The following ASIC2 variants were observed in gnomAD, a reference collection of about 807,000 sequenced individuals.
The protein encoded by ASIC2 is acid sensing ion channel subunit 2.
ASIC2 carries 25 observed loss-of-function variants against 57.3 expected under a neutral mutation model. The observed-to-expected ratio is 0.44, with a 90% CI of 0.32 to 0.61. The LOEUF is 0.61. ASIC2 is among the 20% of genes least tolerant of loss of function. ASIC2 has a pLI of 0.06. For missense variants in ASIC2, 641 were observed against 738.1 expected (o/e 0.87, Z 1.52); for synonymous variants, 319 against 307.5 (o/e 1.04, Z -0.39).
Position 33,151,197 on chromosome 17 carries a change from ACACGCG to A in ASIC2, c.709-39136_709-39131del, listed in dbSNP as rs1456284979. ...CACACACACGCACACACACACACACACACGCGCGCACACACACACACACACAATTAG... is the reference window on the plus strand; with the variant it reads ...CACACACACGCACACACACACACACACGCACACACACACACACACAATTAG... On this transcript the variant is annotated intron_variant, in intron 1 of 9. Coordinates refer to ENST00000225823, the MANE Select transcript of ASIC2 (RefSeq NM_183377.2). 5.5e-3 allele frequency among the ~76,000 whole-genome samples: 747 copies of A among 136,182 alleles called. 6 individuals carry two copies. The highest frequency in any genetic ancestry group is 0.019 in the African/African-American group (713 of 36,892). The allele number at this position is 136,182 out of a possible 152,430, so 89.3% of individuals were successfully genotyped here.
chr17:34,014,113 T>C (rs1161270687), intron 1 of ASIC2, among the ~76,000 whole-genome samples: 2 of 152,184 alleles, frequency 1.3e-5, no homozygotes, highest in Non-Finnish European at 2.9e-5. Flanking sequence ...GGGGGAGTAA[T>C]AAAGGAAATT....
chr17:34,059,234 C>A (rs1406757387), intron 1 of ASIC2, among the ~76,000 whole-genome samples: 3 of 152,332 alleles, frequency 2.0e-5, no homozygotes, highest in African/African-American at 4.8e-5. Context: ...CACACACCCC[C>A]ACTGGAGAGG....
In ASIC2 at chr17:33,994,371, G is replaced by A. The variant is rs1484154694; in HGVS notation, c.555+161607C>T. On this transcript the variant is annotated intron_variant, in intron 1 of 9. Coordinates refer to the ASIC2 transcript ENST00000359872. ...TGATGCATGGTGCCATGAGGAACAC[G>A]GCACGGTGTCACTTGGACATGACCA... 4.6e-5 allele frequency among the ~76,000 whole-genome samples: 7 copies of A among 152,244 alleles called. No homozygotes were observed. In the South Asian group the frequency reaches 1.2e-3, roughly 27 times the overall value.
At chr17:34,071,076 G>A (rs1909381232) in intron 1 of ASIC2, 1 of 146,320 alleles carries the variant, frequency 6.8e-6, no homozygotes, top group African/African-American at 2.6e-5. Flanking sequence ...AAGTCAGTAG[G>A]TCCCCTTTTG....
At chr17:33,623,225 C>T (rs1344863493) in intron 1 of ASIC2, among the ~76,000 whole-genome samples, 7 of 112,262 alleles carry the variant, frequency 6.2e-5, no homozygotes, top group Admixed American at 1.7e-4. Context: ...CAGGATACCT[C>T]TTGTGATATC....
At chr17:33,390,029 C>T (rs1190049453) in intron 1 of ASIC2, among the ~76,000 whole-genome samples, 1 of 151,978 alleles carries the variant, frequency 6.6e-6, no homozygotes, top group Non-Finnish European at 1.5e-5. Context: ...ATGTCTCTTT[C>T]TGGCTGGGCG....
rs764562766 is a variant in ASIC2 at position 33,023,850 on chromosome 17, A to C, written c.1349+11T>G. 2 of 1,614,040 alleles carry C rather than the reference A, an allele frequency of 1.2e-6. No individual in the cohort carries two copies. The highest frequency in any genetic ancestry group is 1.7e-6 in the Non-Finnish European group (2 of 1,179,978). ...CCCCTTCCCCCTGCCTACCATGCCC[A>C]CTAAACTTACGAGATATATTTTTCT... On this transcript the variant is annotated intron_variant, in intron 6 of 9. Coordinates refer to ENST00000225823, the MANE Select transcript of ASIC2 (RefSeq NM_183377.2).
At chr17:33,263,407 C>T (rs1015067046) in intron 1 of ASIC2, among the ~76,000 whole-genome samples, 2 of 152,174 alleles carry the variant, frequency 1.3e-5, no homozygotes, top group African/African-American at 4.8e-5. Context: ...AAGCTTTTCT[C>T]CCTAGAAAAT....
intron 1 of ASIC2, among the ~76,000 whole-genome samples, chr17:33,511,146 T>C: frequency 7.6e-6 from 1 of 131,582 alleles, no homozygotes; most frequent in African/African-American, 2.8e-5. Context: ...TCCAGCTGTA[T>C]GGCTGTAAGA....
At chr17:33,327,300 A>G (rs1386362398) in intron 1 of ASIC2, among the ~76,000 whole-genome samples, 4 of 152,116 alleles carry the variant, frequency 2.6e-5, no homozygotes, top group Non-Finnish European at 5.9e-5. Flanking sequence ...GTCTTCCTCC[A>G]TTGATTCTCA....
At chr17:33,566,224 T>G (rs1248948512) in intron 1 of ASIC2, among the ~76,000 whole-genome samples, 1 of 152,164 alleles carries the variant, frequency 6.6e-6, no homozygotes, top group Non-Finnish European at 1.5e-5. Context: ...TTGGAATACT[T>G]GAGATAATTG....
intron 1 of ASIC2, among the ~76,000 whole-genome samples, chr17:33,978,457 G>A (rs1005217495): frequency 1.6e-4 from 25 of 152,254 alleles, no homozygotes; most frequent in Middle Eastern, 3.4e-3. Flanking sequence ...CTGGACTTTA[G>A]TTTCTGCAAC....
chr17:33,063,079 G>A (rs1212390885), intron 3 of ASIC2, among the ~76,000 whole-genome samples: 1 of 152,146 alleles, frequency 6.6e-6, no homozygotes, highest in African/African-American at 2.4e-5. Context: ...TGGGTTTCCT[G>A]AATACAGCAC....
At position 33,289,546 on chromosome 17, in the gene ASIC2, A is replaced by G. The variant is rs776254279; in HGVS notation, c.708+1862T>C. Among the ~76,000 whole-genome samples, 5 of 152,194 alleles carry G rather than the reference A, an allele frequency of 3.3e-5. No individual in the cohort carries two copies. In the East Asian group the frequency reaches 9.6e-4, roughly 29 times the overall value. On this transcript the variant is annotated intron_variant, in intron 1 of 9. Transcript: ENST00000225823. ...AGTCCTGTGTAAGTCCTCTGAGAGA[A>G]GAGAGGCCCAAGGTCAGAGAGGAAG...
chr17:33,863,954 A>C (rs2225814), intron 1 of ASIC2, among the ~76,000 whole-genome samples: 41,305 of 150,162 alleles, frequency 0.28, 5,826 homozygotes, highest in Non-Finnish European at 0.29. Flanking sequence ...TGCAGGCTAG[A>C]GTGCAATGGT....
intron 1 of ASIC2, among the ~76,000 whole-genome samples, chr17:33,399,122 G>A (rs1239759980): frequency 6.6e-6 from 1 of 152,174 alleles, no homozygotes; most frequent in East Asian, 1.9e-4. Flanking sequence ...GGATCAGATG[G>A]TCCCAGGGAA....
intron 1 of ASIC2, among the ~76,000 whole-genome samples, chr17:34,106,663 T>A (rs1464734288): frequency 6.6e-6 from 1 of 152,188 alleles, no homozygotes; most frequent in Non-Finnish European, 1.5e-5. Flanking sequence ...TTCATTACTA[T>A]CCTTAATCAT....
chr17:33,473,568 A>T (rs938528817), intron 1 of ASIC2, among the ~76,000 whole-genome samples: 1 of 152,128 alleles, frequency 6.6e-6, no homozygotes, highest in Non-Finnish European at 1.5e-5. Flanking sequence ...TAGGAAGTAG[A>T]TCAGATTTGC....
At chr17:34,043,098 G>A (rs1255415980) in intron 1 of ASIC2, among the ~76,000 whole-genome samples, 1 of 152,120 alleles carries the variant, frequency 6.6e-6, no homozygotes, top group Non-Finnish European at 1.5e-5. Context: ...ATAAACCCAT[G>A]GTGTTAGAAA....
Sources: allele counts gnomAD v4.1 joint callset (sites outside exome capture counted in the v4.1 genomes callset), GRCh38; gene constraint gnomAD v4.1.1; transcripts MANE v1.5; gene names NCBI Gene and HGNC (gene_info 2026-07-23, HGNC 2026-07-21).